ITGAE: variants seen among roughly 807,000 people sequenced by gnomAD.
ITGAE encodes integrin alpha-E.
Under a neutral mutation model 136.5 loss-of-function variants are expected in ITGAE, and 99 were observed. The observed-to-expected ratio is 0.73, with a 90% CI of 0.62 to 0.86. The LOEUF (loss-of-function observed/expected upper bound fraction) is 0.86. Ranked by LOEUF, ITGAE falls within the 40% of genes least tolerant of loss-of-function variation. ITGAE has a pLI of 0.00. For missense variants in ITGAE, 1,447 were observed against 1,515.3 expected (o/e 0.95, Z 0.75); for synonymous variants, 613 against 591.8 (o/e 1.04, Z -0.52).
chr17:3,740,371 TTCGG>T (rs1482940080), intron 19 of ITGAE, among the ~76,000 whole-genome samples: 2 of 150,862 alleles, frequency 1.3e-5, no homozygotes, highest in Non-Finnish European at 1.5e-5. Flanking sequence ...CATCTGTTTT[TTCGG>T]TTGTTTGTTT....
At chr17:3,771,817 G>A (rs1044488412) in intron 2 of ITGAE, among the ~76,000 whole-genome samples, 4 of 152,174 alleles carry the variant, frequency 2.6e-5, no homozygotes, top group Non-Finnish European at 4.4e-5. Context: ...GATGACAGGC[G>A]TGAGCCCCCG....
intron 1 of ITGAE, among the ~76,000 whole-genome samples, chr17:3,786,091 C>A (rs2052790251): frequency 1.4e-5 from 2 of 148,142 alleles, no homozygotes; most frequent in South Asian, 4.3e-4. Context: ...GGCGTGAACC[C>A]GGGAGGCGGA....
chr17:3,721,391 C>A (rs2143006719), intron 28 of ITGAE, among the ~76,000 whole-genome samples: 1 of 149,926 alleles, frequency 6.7e-6, no homozygotes, highest in East Asian at 2.0e-4. Context: ...CCTGCCTCAG[C>A]CTCCCAAGTA....
chr17:3,750,539 G>A (rs2051840000), intron 15 of ITGAE, 57 bp from the exon 16 acceptor site: 1 of 1,603,034 alleles, frequency 6.2e-7, no homozygotes, highest in Non-Finnish European at 8.5e-7. Context: ...ACGGGGCGGG[G>A]AGTCCTTTCA....
intron 16 of ITGAE, among the ~76,000 whole-genome samples, chr17:3,748,459 C>T (rs1195924212): frequency 2.6e-5 from 4 of 151,878 alleles, no homozygotes; most frequent in Admixed American, 6.6e-5. Flanking sequence ...TGGTGGCGGG[C>T]GCCTGTAATC....
chr17:3,750,351 C>T lies in ITGAE; in HGVS notation c.2024+1G>A. 6.2e-7 allele frequency: 1 copy of T among 1,613,888 alleles called. No homozygotes were observed. Among genetic ancestry groups the T allele is most frequent in the Non-Finnish European group, 8.5e-7 (1 of 1,179,914 alleles). Reference sequence around the variant, plus strand: ...CCCCAGAAAGCAGGACAGAACCCTACCGGAACACAACCGCCTGGCCCAGAG... The same window carrying T: ...CCCCAGAAAGCAGGACAGAACCCTATCGGAACACAACCGCCTGGCCCAGAG... On this transcript the variant is annotated splice_donor_variant, in intron 16 of 30. Coordinates refer to ENST00000263087, the MANE Select transcript of ITGAE (RefSeq NM_002208.5). LOFTEE classifies it high-confidence loss of function.
At chr17:3,736,820 C>T (rs191994723) in intron 20 of ITGAE, among the ~76,000 whole-genome samples, 26 of 150,474 alleles carry the variant, frequency 1.7e-4, no homozygotes, top group Non-Finnish European at 2.7e-4. Flanking sequence ...GGATTACAGG[C>T]GTGAGCCACC....
chr17:3,719,881 T>C (rs1485223187), intron 29 of ITGAE, among the ~76,000 whole-genome samples: 1 of 152,036 alleles, frequency 6.6e-6, no homozygotes, highest in Non-Finnish European at 1.5e-5. Flanking sequence ...GCACCCACCA[T>C]CATGTCCGGC....
At chr17:3,755,391 G>A in intron 11 of ITGAE, 130 bp from the exon 12 acceptor site, 1 of 1,105,762 alleles carries the variant, frequency 9.0e-7, no homozygotes, top group Non-Finnish European at 1.2e-6. Flanking sequence ...TCTAGTGCCC[G>A]CCTGGCCAGA....
Position 3,799,900 on chromosome 17 carries a change from C to T in ITGAE, c.34+1211G>A, listed in dbSNP as rs374681107. ...AACACTTTGGGAGGCCGAGGCAGGT[C>T]GATCACCTGAGGGCAGGAGACCAGC... On this transcript the variant is annotated intron_variant, in intron 1 of 30. Coordinates refer to ENST00000263087, the MANE Select transcript of ITGAE (RefSeq NM_002208.5). The surrounding 1 kb of genome is among the most constrained non-coding windows in gnomAD (Gnocchi z 4.1). Among the ~76,000 whole-genome samples the T allele has an allele frequency of 1.4e-3, 212 of 152,228 alleles. 4 individuals are homozygous for T. In the South Asian group the frequency reaches 0.041, roughly 29 times the overall value.
chr17:3,715,970 T>C (rs888876845), intron 30 of ITGAE, among the ~76,000 whole-genome samples: 1 of 151,616 alleles, frequency 6.6e-6, no homozygotes, highest in Non-Finnish European at 1.5e-5. Context: ...GCCTGGCCAA[T>C]ATGGTGAAAC....
chr17:3,754,550 A>C (rs1364673933), intron 12 of ITGAE: 2 of 157,598 alleles, frequency 1.3e-5, no homozygotes, highest in African/African-American at 4.8e-5. Flanking sequence ...GAGCTACTGC[A>C]CCACTATTAT....
At chr17:3,719,978 G>A (rs906303370) in intron 29 of ITGAE, among the ~76,000 whole-genome samples, 3 of 152,066 alleles carry the variant, frequency 2.0e-5, no homozygotes, top group South Asian at 2.1e-4. Flanking sequence ...CACCTGTCTC[G>A]GCCTCCCAAA....
chr17:3,726,188 G>A, intron 26 of ITGAE: 1 of 1,614,164 alleles, frequency 6.2e-7, no homozygotes, highest in South Asian at 1.1e-5. Context: ...TGACAGACAA[G>A]ATGCTGAAAC....
At chr17:3,778,689 T>C (rs1376730897) in intron 1 of ITGAE, among the ~76,000 whole-genome samples, 1 of 152,230 alleles carries the variant, frequency 6.6e-6, no homozygotes, top group African/African-American at 2.4e-5. Flanking sequence ...TTTTATTCAA[T>C]GGTTATAATC....
At chr17:3,756,868 T>G in intron 10 of ITGAE, 116 bp downstream of exon 10, 34 of 1,121,468 alleles carry the variant, frequency 3.0e-5, no homozygotes, top group Non-Finnish European at 3.4e-5. Flanking sequence ...ATGGAAGAGC[T>G]GAGGTTCAGG....
Position 3,723,375 on chromosome 17 carries a change from T to A in ITGAE, c.3150A>T (p.Glu1050Asp). The A allele has an allele frequency of 6.2e-7, 1 of 1,612,762 alleles. No individual in the cohort carries two copies. Among genetic ancestry groups the A allele is most frequent in the Non-Finnish European group, 8.5e-7 (1 of 1,178,716 alleles). ...TGACACAGCTCACTGAATGCCATTC[T>A]TCCACATGCTGGAAAAGCGAGGTCT... ...ACAYSSVQHV[E>D]EWHSVSCVIA... Residue 1050 changes from glutamate to aspartate, a missense_variant, in exon 28 of 31, where the codon GAA becomes GAT. Transcript: ENST00000263087.
chr17:3,719,906 T>G (rs976577102), intron 29 of ITGAE, among the ~76,000 whole-genome samples: 1 of 152,132 alleles, frequency 6.6e-6, no homozygotes, highest in Non-Finnish European at 1.5e-5. Flanking sequence ...TTTTGTATTT[T>G]TGGTAGACAG....
Position 3,714,832 on chromosome 17 carries a change from A to C in ITGAE, c.*15T>G, listed in dbSNP as rs1327007371. The C allele has an allele frequency of 6.6e-7, 1 of 1,507,156 alleles. No individual in the cohort carries two copies. Among genetic ancestry groups the C allele is most frequent in the Non-Finnish European group, 9.2e-7 (1 of 1,084,604 alleles). The allele number at this position is 1,507,156 out of a possible 1,614,324, so 93.4% of individuals were successfully genotyped here. ...CCAGGACTGGCTGATAGCCTCTCCC[A>C]GTGGATAGCAGGTCCTAATTCTCTT... On this transcript the variant is annotated 3_prime_UTR_variant, in exon 31 of 31. Transcript: ENST00000263087.
Sources: allele counts gnomAD v4.1 joint callset (sites outside exome capture counted in the v4.1 genomes callset), GRCh38; gene constraint gnomAD v4.1.1; non-coding constraint Gnocchi (gnomAD v3.1); transcripts MANE v1.5; gene names NCBI Gene and HGNC (gene_info 2026-07-23, HGNC 2026-07-21).